The following PARG variants were observed in gnomAD, a reference collection of about 807,000 sequenced individuals.
PARG encodes the protein poly(ADP-ribose) glycohydrolase.
In PARG, 35 loss-of-function variants were observed where a neutral mutation model predicts 113.0. The ratio of observed to expected loss-of-function variants is 0.31; its 90% CI spans 0.24 to 0.41. The LOEUF is 0.41. PARG is among the 10% of genes least tolerant of loss of function. The pLI, the probability that PARG is intolerant of heterozygous loss-of-function variation, is 1.00. For missense variants in PARG, 797 were observed against 1,169.4 expected, an observed-to-expected ratio of 0.68 and a Z score of 4.64; for synonymous variants, 330 against 409.9, an observed-to-expected ratio of 0.81 and a Z score of 2.36.
chr10:49,874,577 G>A (rs1267415526), intron 9 of PARG, among the ~76,000 whole-genome samples: 15 of 151,588 alleles, frequency 9.9e-5, no homozygotes, highest in Middle Eastern at 3.4e-3. Context: ...AAAATTGGCC[G>A]GGTGCGGTGG....
chr10:49,828,858 C>T (rs550792950), intron 16 of PARG, among the ~76,000 whole-genome samples: 1 of 152,104 alleles, frequency 6.6e-6, no homozygotes, highest in Admixed American at 6.5e-5. Context: ...CTGGGTGACA[C>T]AATGAGACCC....
At chr10:49,891,617 ATATATATTT>A (rs1398325743) in intron 7 of PARG, among the ~76,000 whole-genome samples, 693 of 47,652 alleles carry the variant, frequency 0.015, 6 homozygotes, top group Non-Finnish European at 0.019. Context: ...ATATATATAT[ATATATATTT>A]TTTTTTTTTT....
intron 6 of PARG, among the ~76,000 whole-genome samples, chr10:49,918,337 T>A (rs569533642): frequency 1.2e-3 from 176 of 152,370 alleles, no homozygotes; most frequent in Non-Finnish European, 2.1e-3. Context: ...AATTCTTCAC[T>A]GTAATTCTCT....
At chr10:49,889,059 G>GTTTTTTTTTTTTTTTTTTTTTTT (rs61640355) in intron 7 of PARG, among the ~76,000 whole-genome samples, 1 of 143,030 alleles carries the variant, frequency 7.0e-6, no homozygotes, top group Non-Finnish European at 1.5e-5. Context: ...TCTCTGGATA[G>GTTTTTTTTTTTTTTTTTTTTTTT]TTTTTTTTTT....
chr10:49,893,584 A>G (rs1365491632), intron 7 of PARG, among the ~76,000 whole-genome samples: 1 of 152,148 alleles, frequency 6.6e-6, no homozygotes, highest in Non-Finnish European at 1.5e-5. Context: ...TGATGCAATC[A>G]CATCTCACTG....
chr10:49,887,059 T>C (rs1378146360), intron 7 of PARG, among the ~76,000 whole-genome samples: 1 of 151,878 alleles, frequency 6.6e-6, no homozygotes, highest in Non-Finnish European at 1.5e-5. Flanking sequence ...TTTTTTTTTT[T>C]TTTTAATAGA....
intron 6 of PARG, among the ~76,000 whole-genome samples, chr10:49,916,939 GT>G (rs1837504368): frequency 6.6e-6 from 1 of 151,924 alleles, no homozygotes; most frequent in South Asian, 2.1e-4. Flanking sequence ...CATTGAATAA[GT>G]TTTTAAAAAA....
chr10:49,847,356 A>G (rs1845562348), intron 13 of PARG, among the ~76,000 whole-genome samples: 1 of 151,568 alleles, frequency 6.6e-6, no homozygotes, highest in Non-Finnish European at 1.5e-5. Context: ...GGTCAACCCA[A>G]CTTAACCAAG....
chr10:49,819,273 T>C lies in PARG; in HGVS notation c.*67A>G. The C allele has an allele frequency of 7.8e-7, 1 of 1,286,354 alleles. No individual in the cohort carries two copies. Among genetic ancestry groups the C allele is most frequent in the South Asian group, 1.4e-5 (1 of 71,064 alleles). 79.7% of individuals were successfully genotyped at this position (1,286,354 alleles called of 1,614,324 possible). A position where few individuals can be genotyped will look rare whatever the true frequency, so the allele number is the denominator to read the frequency against. ...TATTAACTTAAGTCAATTCATATAT[T>C]ACACCTGACAGCTCAAACAGGACGT... On this transcript the variant is annotated 3_prime_UTR_variant, in exon 18 of 18. Transcript: ENST00000616448.
intron 7 of PARG, chr10:49,908,374 A>T (rs1325578692): frequency 6.6e-6 from 1 of 152,188 alleles, no homozygotes; most frequent in Non-Finnish European, 1.5e-5. Flanking sequence ...GATCTGTTTC[A>T]ATATTTTAGT....
At chr10:49,902,177 A>C (rs1554843876) in intron 7 of PARG, among the ~76,000 whole-genome samples, 3 of 152,214 alleles carry the variant, frequency 2.0e-5, no homozygotes, top group Non-Finnish European at 4.4e-5. Context: ...ATGTAGATAC[A>C]ACTACAGATG....
intron 7 of PARG, among the ~76,000 whole-genome samples, chr10:49,902,656 C>A (rs1588965873): frequency 6.6e-6 from 1 of 152,088 alleles, no homozygotes; most frequent in Non-Finnish European, 1.5e-5. Context: ...AGGTGTCTGT[C>A]CTCTAGAAAC....
At chr10:49,884,401 C>T (rs1184084264) in intron 8 of PARG, among the ~76,000 whole-genome samples, 2 of 152,146 alleles carry the variant, frequency 1.3e-5, no homozygotes, top group East Asian at 1.9e-4. Context: ...GAGTTTGAGA[C>T]GAGCCTGGCA....
At chr10:49,928,390 CA>C (rs1379468551) in intron 4 of PARG, among the ~76,000 whole-genome samples, 2 of 152,096 alleles carry the variant, frequency 1.3e-5, no homozygotes, top group African/African-American at 4.8e-5. Flanking sequence ...GATAAAACAG[CA>C]TAGGTACCAG....
intron 7 of PARG, among the ~76,000 whole-genome samples, chr10:49,895,835 T>C (rs562454299): frequency 1.3e-5 from 2 of 152,350 alleles, no homozygotes; most frequent in East Asian, 3.9e-4. Flanking sequence ...TACACATTTT[T>C]TGTTAAATTT....
intron 7 of PARG, among the ~76,000 whole-genome samples, chr10:49,901,578 T>C (rs1256097005): frequency 1.3e-5 from 2 of 152,236 alleles, no homozygotes; most frequent in African/African-American, 4.8e-5. Context: ...AGTTTGAACT[T>C]CACTCTTATT....
chr10:49,937,565 T>C (rs1224857602), intron 1 of PARG, among the ~76,000 whole-genome samples: 2 of 152,212 alleles, frequency 1.3e-5, no homozygotes, highest in Non-Finnish European at 2.9e-5. Context: ...ACATCTTTTT[T>C]CCATAAATGT....
intron 7 of PARG, among the ~76,000 whole-genome samples, chr10:49,907,735 G>C (rs1220407176): frequency 2.6e-5 from 4 of 152,082 alleles, no homozygotes; most frequent in African/African-American, 4.8e-5. Context: ...ATAAATCAAG[G>C]CATCATGTTT....
At position 49,933,536 on chromosome 10, in the gene PARG, C is replaced by A. The variant is rs1838591272; in HGVS notation, c.912G>T (p.Met304Ile). 6.2e-7 allele frequency: 1 copy of A among 1,611,364 alleles called. No homozygotes were observed. Among genetic ancestry groups the A allele is most frequent in the African/African-American group, 1.3e-5 (1 of 74,860 alleles). ...FEKESEPESP[M>I]DVDNSKNSCQ... ...AACTATTTTTAGAATTATCCACATC[C>A]ATCGGTGACTCGGGTTCACTTTCCT... The change falls in exon 3 of 18, where the codon ATG (methionine) becomes ATT (isoleucine). Residue 304 changes from methionine (M) to isoleucine (I), a missense_variant. Physicochemically the swap from Met to Ile is conservative, Grantham distance 10. This residue lies in a region of PARG where 252 missense variants were observed against 437.4 expected (regional missense o/e 0.58). Coordinates refer to ENST00000616448, the MANE Select transcript of PARG (RefSeq NM_003631.5).
Sources: allele counts gnomAD v4.1 joint callset (sites outside exome capture counted in the v4.1 genomes callset), GRCh38; gene constraint gnomAD v4.1.1; regional missense constraint gnomAD v4.1.1; transcripts MANE v1.5; gene names NCBI Gene and HGNC (gene_info 2026-07-23, HGNC 2026-07-21).